TRAM1: variants seen among roughly 807,000 people sequenced by gnomAD.
TRAM1 encodes the protein translocation associated membrane protein 1, also known as translocating chain-associated membrane protein 1.
Under a neutral mutation model 48.7 loss-of-function variants are expected in TRAM1, and 17 were observed. The observed-to-expected ratio is 0.35, with a 90% confidence interval of 0.24 to 0.52. The LOEUF (loss-of-function observed/expected upper bound fraction) is 0.52. TRAM1 is among the 20% of genes least tolerant of loss of function. TRAM1 has a pLI of 0.94. For missense variants in TRAM1, 351 were observed against 441.5 expected, an observed-to-expected ratio of 0.79 and a Z score of 1.84; for synonymous variants, 182 against 154.0, an observed-to-expected ratio of 1.18 and a Z score of -1.34.
intron 8 of TRAM1, among the ~76,000 whole-genome samples, chr8:70,585,385 A>G (rs1410265670): frequency 1.3e-5 from 2 of 152,118 alleles, no homozygotes; most frequent in African/African-American, 4.8e-5. Context: ...TCATGTCTAA[A>G]ACACCAAAAG....
intron 9 of TRAM1, 45 bp from the exon 10 acceptor site, chr8:70,583,369 G>T: frequency 6.4e-7 from 1 of 1,567,802 alleles, no homozygotes. Flanking sequence ...AAAAAACAAT[G>T]CCACTGAATA....
chr8:70,583,723 C>T lies in TRAM1; in HGVS notation c.817G>A (p.Gly273Ser). ...TTTTCTGCTCTTGCAAGGCCAAAAC[C>T]AACAGTCAGTACTGAAAGAATTAAA... ...LTLILSVLTV[G>S]FGLARAENQK... Residue 273 changes from glycine (G) to serine (S), a missense_variant, in exon 9 of 11, where the codon GGT becomes AGT. Coordinates refer to ENST00000262213, the MANE Select transcript of TRAM1 (RefSeq NM_014294.6). 1 of 1,612,442 alleles carries T rather than the reference C, an allele frequency of 6.2e-7. No homozygotes were observed. Among genetic ancestry groups the T allele is most frequent in the East Asian group, 2.2e-5 (1 of 44,734 alleles).
intron 6 of TRAM1, among the ~76,000 whole-genome samples, chr8:70,589,815 A>T (rs1366223723): frequency 6.6e-6 from 1 of 152,238 alleles, no homozygotes; most frequent in Non-Finnish European, 1.5e-5. Flanking sequence ...ACTGCACTCC[A>T]GCATGGGTGA....
At chr8:70,606,330 A>C (rs1024047243) in intron 1 of TRAM1, among the ~76,000 whole-genome samples, 1 of 152,100 alleles carries the variant, frequency 6.6e-6, no homozygotes, top group African/African-American at 2.4e-5. Flanking sequence ...CTGAGACCAC[A>C]GGTGCGTGCT....
intron 5 of TRAM1, 22 bp downstream of exon 5, chr8:70,596,241 A>C: frequency 6.4e-7 from 1 of 1,556,890 alleles, no homozygotes; most frequent in Non-Finnish European, 8.6e-7. Context: ...TAACAAAGAA[A>C]GGGCTGCTAA....
chr8:70,605,432 G>A (rs924317354), intron 1 of TRAM1, among the ~76,000 whole-genome samples: 2 of 151,994 alleles, frequency 1.3e-5, no homozygotes, highest in Admixed American at 6.6e-5. Context: ...CTTCATTTTG[G>A]CTAGTAATAC....
At chr8:70,575,676 G>A (rs1816932200) in intron 10 of TRAM1, among the ~76,000 whole-genome samples, 1 of 152,150 alleles carries the variant, frequency 6.6e-6, no homozygotes. Context: ...ATACAGAAAT[G>A]GATGTTTGAG....
Position 70,583,038 on chromosome 8 carries a change from T to C in TRAM1, c.1051+126A>G. ...TGCAGTAAGATTACTTTGCCTCTAATTTTGTTGAAAAGCAGAATAGTATTT... is the reference window on the plus strand; with the variant it reads ...TGCAGTAAGATTACTTTGCCTCTAACTTTGTTGAAAAGCAGAATAGTATTT... On this transcript the variant is annotated intron_variant, in intron 10 of 10. Coordinates refer to ENST00000262213, the MANE Select transcript of TRAM1 (RefSeq NM_014294.6). 3 of 1,105,956 alleles carry C rather than the reference T, an allele frequency of 2.7e-6. No individual in the cohort carries two copies. In the South Asian group the frequency reaches 5.7e-5, roughly 21 times the overall value. The allele number at this position is 1,105,956 out of a possible 1,614,324, so 68.5% of individuals were successfully genotyped here. A position where few individuals can be genotyped will look rare whatever the true frequency, so the allele number is the denominator to read the frequency against.
chr8:70,574,468 T>G lies in TRAM1; in HGVS notation c.*464A>C, dbSNP rs190381878. On this transcript the variant is annotated 3_prime_UTR_variant, in exon 11 of 11. Coordinates refer to ENST00000262213, the MANE Select transcript of TRAM1 (RefSeq NM_014294.6). ...AAAGTCTACAAAAATTCCAAAAAAT[T>G]AGAGAACACTGAAAACATATTAAAG... 4.7e-6 allele frequency: 1 copy of G among 212,008 alleles called. No individual in the cohort carries two copies. Among genetic ancestry groups the G allele is most frequent in the South Asian group, 6.6e-5 (1 of 15,246 alleles). The allele number at this position is 212,008 out of a possible 1,614,324, so 13.1% of individuals were successfully genotyped here. A position where few individuals can be genotyped will look rare whatever the true frequency, so the allele number is the denominator to read the frequency against.
chr8:70,602,649 T>C (rs1279454512), intron 1 of TRAM1, among the ~76,000 whole-genome samples: 3 of 152,180 alleles, frequency 2.0e-5, no homozygotes, highest in Non-Finnish European at 1.5e-5. Flanking sequence ...ACTATTTATA[T>C]AGTTCCCATA....
intron 2 of TRAM1, 120 bp from the exon 3 acceptor site, chr8:70,598,375 C>T (rs1298841406): frequency 1.1e-6 from 1 of 927,404 alleles, no homozygotes; most frequent in African/African-American, 1.7e-5. Flanking sequence ...TCTATATTAA[C>T]ATCATAAATA....
chr8:70,578,267 C>T (rs2132023398), intron 10 of TRAM1, among the ~76,000 whole-genome samples: 1 of 152,294 alleles, frequency 6.6e-6, no homozygotes, highest in East Asian at 1.9e-4. Flanking sequence ...CACCACGATG[C>T]CTGGTTCATT....
chr8:70,607,513 G>A, intron 1 of TRAM1: 1 of 984,606 alleles, frequency 1.0e-6, no homozygotes, highest in Non-Finnish European at 1.2e-6. Flanking sequence ...CCTGACTCCG[G>A]TTTCTCGCTC....
chr8:70,608,030 G>T (rs1375453347), intron 1 of TRAM1, 47 bp downstream of exon 1: 1 of 1,539,724 alleles, frequency 6.5e-7, no homozygotes. Context: ...GCCCGGGCCC[G>T]GGCTGGAGGT....
chr8:70,589,584 TAAC>T (rs1484904915), intron 6 of TRAM1, among the ~76,000 whole-genome samples: 2 of 152,202 alleles, frequency 1.3e-5, no homozygotes, highest in African/African-American at 4.8e-5. Flanking sequence ...ACGCCTGTAA[TAAC>T]AGCCCTTTGG....
In TRAM1 at chr8:70,599,990, G is replaced by A. The variant is rs780507030; in HGVS notation, c.187+29C>T. ...TTTGTTCAACTGAACTTCTATTTAC[G>A]TAGAAAATTCTTAGCGTAAATTACC... On this transcript the variant is annotated intron_variant, in intron 2 of 10. Transcript: ENST00000262213. The A allele has an allele frequency of 1.5e-5, 24 of 1,590,272 alleles. No homozygotes were observed. In the African/African-American group the frequency reaches 2.2e-4, roughly 14 times the overall value.
intron 6 of TRAM1, among the ~76,000 whole-genome samples, chr8:70,587,832 T>C (rs965496323): frequency 1.3e-5 from 2 of 152,216 alleles, no homozygotes; most frequent in Non-Finnish European, 2.9e-5. Context: ...CCCAAGTACC[T>C]AGATTTTATT....
At chr8:70,598,929 T>G (rs913672114) in intron 2 of TRAM1, among the ~76,000 whole-genome samples, 2 of 152,100 alleles carry the variant, frequency 1.3e-5, no homozygotes, top group Non-Finnish European at 2.9e-5. Flanking sequence ...GATAACTAAA[T>G]CACTAAATTA....
chr8:70,594,439 T>G, intron 6 of TRAM1, 67 bp downstream of exon 6: 2 of 1,360,874 alleles, frequency 1.5e-6, no homozygotes, highest in Non-Finnish European at 2.0e-6. Flanking sequence ...AAATACTTAA[T>G]TTTAGAAAAA....
Sources: allele counts gnomAD v4.1 joint callset (sites outside exome capture counted in the v4.1 genomes callset), GRCh38; gene constraint gnomAD v4.1.1; transcripts MANE v1.5; gene names NCBI Gene and HGNC (gene_info 2026-07-23, HGNC 2026-07-21).